Variants in SLC39A8 observed in about 807,000 individuals in gnomAD.
SLC39A8 encodes the protein metal cation symporter ZIP8.
SLC39A8 carries 15 observed loss-of-function variants against 40.4 expected under a neutral mutation model. That is an observed-to-expected ratio of 0.37 (90% confidence interval 0.25 to 0.57). The LOEUF (loss-of-function observed/expected upper bound fraction) is 0.57. Among genes scored for constraint, SLC39A8 ranks in the 20% least tolerant of loss-of-function variants. The pLI is 0.75. For synonymous variants in SLC39A8, 223 were observed against 221.6 expected (o/e 1.01, Z -0.06); for missense variants, 472 against 558.8 (o/e 0.84, Z 1.57).
At chr4:102,299,188 C>T (rs931827428) in intron 6 of SLC39A8, among the ~76,000 whole-genome samples, 13 of 151,982 alleles carry the variant, frequency 8.6e-5, no homozygotes, top group African/African-American at 3.1e-4. Flanking sequence ...TACCCTTCTT[C>T]CCACCGCCAG....
intron 6 of SLC39A8, among the ~76,000 whole-genome samples, chr4:102,275,261 A>G (rs1447705726): frequency 6.6e-6 from 1 of 150,964 alleles, no homozygotes; most frequent in Non-Finnish European, 1.5e-5. Context: ...AGGAATATTT[A>G]CCAAGCAAAT....
chr4:102,275,762 G>C (rs934898425), intron 6 of SLC39A8, among the ~76,000 whole-genome samples: 1 of 152,156 alleles, frequency 6.6e-6, no homozygotes, highest in Non-Finnish European at 1.5e-5. Context: ...AAATGCAGAA[G>C]AACGGAAATC....
At chr4:102,293,868 C>T (rs767080137) in intron 6 of SLC39A8, among the ~76,000 whole-genome samples, 8 of 150,970 alleles carry the variant, frequency 5.3e-5, no homozygotes, top group Non-Finnish European at 1.2e-4. Context: ...TGACTAAAAA[C>T]TATAATAATT....
At chr4:102,315,380 T>C (rs1017125426) in intron 3 of SLC39A8, among the ~76,000 whole-genome samples, 1 of 152,182 alleles carries the variant, frequency 6.6e-6, no homozygotes, top group Admixed American at 6.6e-5. Context: ...TGCAATCCAA[T>C]ATGCACAGCA....
At chr4:102,308,502 T>C (rs56120867) in intron 3 of SLC39A8, among the ~76,000 whole-genome samples, 18,208 of 152,042 alleles carry the variant, frequency 0.12, 1,307 homozygotes, top group African/African-American at 0.15. Flanking sequence ...TCTCTCTATC[T>C]TAAAGGGGCT....
chr4:102,263,525 T>A (rs1171107702), intron 8 of SLC39A8, among the ~76,000 whole-genome samples: 1 of 152,146 alleles, frequency 6.6e-6, no homozygotes, highest in East Asian at 1.9e-4. Flanking sequence ...GCTGGTGGAG[T>A]CTTGATTCCA....
chr4:102,259,378 G>A, downstream of SLC39A8: 1 of 1,014,248 alleles, frequency 9.9e-7, no homozygotes, highest in Non-Finnish European at 1.5e-6. Flanking sequence ...CACAGTCACT[G>A]CAGAAGGAAT....
Position 102,262,675 on chromosome 4 carries a change from A to C in SLC39A8, c.*369T>G. 1 of 995,266 alleles carries C rather than the reference A, an allele frequency of 1.0e-6. No homozygotes were observed. Among genetic ancestry groups the C allele is most frequent in the Non-Finnish European group, 1.2e-6 (1 of 836,528 alleles). 61.7% of individuals were successfully genotyped at this position (995,266 alleles called of 1,614,324 possible). Reference sequence around the variant, plus strand: ...TGAAACCATTTGAATCTTTGATCCTACCATAGAGTTTTAAAGGCTTTCAGG... The same window carrying C: ...TGAAACCATTTGAATCTTTGATCCTCCCATAGAGTTTTAAAGGCTTTCAGG... On this transcript the variant is annotated 3_prime_UTR_variant, in exon 9 of 9. Coordinates refer to ENST00000356736, the MANE Select transcript of SLC39A8 (RefSeq NM_001135146.2).
intron 2 of SLC39A8, among the ~76,000 whole-genome samples, chr4:102,335,006 C>T (rs139081671): frequency 1.0e-3 from 152 of 152,258 alleles, no homozygotes; most frequent in African/African-American, 3.6e-3. Context: ...GGACCTGTTT[C>T]CTCTGCCACA....
intron 2 of SLC39A8, among the ~76,000 whole-genome samples, chr4:102,327,535 T>C (rs1220612111): frequency 1.3e-5 from 2 of 152,324 alleles, no homozygotes; most frequent in East Asian, 3.9e-4. Context: ...CTGCCTAATA[T>C]TGCTATACCC....
At position 102,256,419 on chromosome 4, in the gene SLC39A8, G is replaced by A. The variant is rs145414571; in HGVS notation, c.*299-2989C>T. ...AATCTATGTCTTTATTTAAAAATAC[G>A]TGATGATTCATGCTTAAGGACGTGT... On this transcript the variant is annotated intron_variant and NMD_transcript_variant, in intron 11 of 11. Coordinates refer to the SLC39A8 transcript ENST00000424970. 2.5e-3 allele frequency among the ~76,000 whole-genome samples: 376 copies of A among 152,150 alleles called. 2 individuals carry two copies. Among genetic ancestry groups the A allele is most frequent in the African/African-American group, 8.5e-3 (351 of 41,508 alleles).
At chr4:102,332,653 G>A (rs1212679399) in intron 2 of SLC39A8, among the ~76,000 whole-genome samples, 1 of 151,994 alleles carries the variant, frequency 6.6e-6, no homozygotes, top group African/African-American at 2.4e-5. Flanking sequence ...ATGGTTTGCA[G>A]TCCCATTACT....
At chr4:102,308,499 A>T (rs1212723558) in intron 3 of SLC39A8, among the ~76,000 whole-genome samples, 1 of 152,002 alleles carries the variant, frequency 6.6e-6, no homozygotes, top group Non-Finnish European at 1.5e-5. Flanking sequence ...CCCTCTCTCT[A>T]TCTTAAAGGG....
intron 4 of SLC39A8, among the ~76,000 whole-genome samples, chr4:102,306,637 C>T (rs1169709959): frequency 2.0e-5 from 3 of 151,906 alleles, no homozygotes; most frequent in African/African-American, 7.2e-5. Flanking sequence ...TTGTCTCTCC[C>T]TGTGTGTGTG....
chr4:102,252,961 G>A (rs1319735177), exon 12 of SLC39A8: 2 of 150,270 alleles, frequency 1.3e-5, no homozygotes, highest in Non-Finnish European at 2.9e-5. Context: ...GCATCACCAC[G>A]ATCTCTGCCT....
At position 102,263,184 on chromosome 4, in the gene SLC39A8, T is replaced by C. The variant is rs962572519; in HGVS notation, c.1243A>G (p.Met415Val). The change falls in exon 9 of 9, where the codon ATG becomes GTG. Residue 415 changes from methionine (M) to valine (V), a missense_variant. Met to Val is a conservative substitution (Grantham distance 21). Transcript: ENST00000356736. ...YISLADMFPE[M>V]NDMLREKVTG... ...ACCTTTTCTCTCAGCATATCATTCA[T>C]CTCTGGAAACTAGAAGACAGATATA... The C allele has an allele frequency of 1.1e-5, 17 of 1,613,182 alleles. No homozygotes were observed. Among genetic ancestry groups the C allele is most frequent in the African/African-American group, 1.3e-5 (1 of 74,908 alleles).
intron 2 of SLC39A8, 139 bp from the exon 3 acceptor site, chr4:102,315,969 GC>G: frequency 1.6e-6 from 1 of 632,816 alleles, no homozygotes; most frequent in East Asian, 3.2e-5. Flanking sequence ...AAATTGAAAG[GC>G]CCCTAAAGTT....
intron 6 of SLC39A8, among the ~76,000 whole-genome samples, chr4:102,285,203 G>A (rs1733108388): frequency 6.6e-6 from 1 of 152,056 alleles, no homozygotes; most frequent in African/African-American, 2.4e-5. Context: ...TCACACATTG[G>A]TCTCTCTTTC....
At chr4:102,276,929 A>C (rs1732643957) in intron 6 of SLC39A8, among the ~76,000 whole-genome samples, 1 of 152,228 alleles carries the variant, frequency 6.6e-6, no homozygotes, top group Non-Finnish European at 1.5e-5. Context: ...CCTTCAATAA[A>C]ATTCAACACC....
Sources: gnomAD v4.1 joint callset for allele counts (sites outside exome capture counted in the v4.1 genomes callset) on GRCh38, gnomAD v4.1.1 for gene constraint, MANE v1.5 for transcripts, NCBI Gene and HGNC (gene_info 2026-07-23, HGNC 2026-07-21) for gene names.